Variants in SLIT2 observed in about 807,000 individuals in gnomAD.
The protein encoded by SLIT2 is slit guidance ligand 2.
Under a neutral mutation model 185.7 loss-of-function variants are expected in SLIT2, and 41 were observed. The ratio of observed to expected loss-of-function variants is 0.22; its 90% confidence interval spans 0.17 to 0.29. The LOEUF is 0.29. Among genes scored for constraint, SLIT2 ranks in the 10% least tolerant of loss-of-function variants. The pLI is 1.00. For missense variants in SLIT2, 1,571 were observed against 1,909.0 expected (o/e 0.82, Z 3.30); for synonymous variants, 693 against 680.2 (o/e 1.02, Z -0.29).
At chr4:20,562,793 CA>C in intron 26 of SLIT2, among the ~76,000 whole-genome samples, 1 of 151,844 alleles carries the variant, frequency 6.6e-6, no homozygotes, top group Non-Finnish European at 1.5e-5. Context: ...TAATTATACC[CA>C]ACATCAAATA....
intron 4 of SLIT2, among the ~76,000 whole-genome samples, chr4:20,442,093 C>A (rs1362213407): frequency 6.6e-6 from 1 of 151,982 alleles, no homozygotes; most frequent in African/African-American, 2.4e-5. Context: ...GAAAGGCAAA[C>A]TGGGTTCAAA....
chr4:20,354,064 G>T (rs1194006981), intron 4 of SLIT2, among the ~76,000 whole-genome samples: 1 of 152,112 alleles, frequency 6.6e-6, no homozygotes. Flanking sequence ...TGTTAGCAGT[G>T]ACTTAAGTAT....
At chr4:20,395,216 G>T (rs2109380576) in intron 4 of SLIT2, among the ~76,000 whole-genome samples, 1 of 152,046 alleles carries the variant, frequency 6.6e-6, no homozygotes, top group Non-Finnish European at 1.5e-5. Flanking sequence ...AGAATTAGAA[G>T]GTAAATCCTG....
At chr4:20,434,727 C>A (rs1193074701) in intron 4 of SLIT2, among the ~76,000 whole-genome samples, 1 of 152,040 alleles carries the variant, frequency 6.6e-6, no homozygotes, top group East Asian at 1.9e-4. Context: ...GGGGCTGAAC[C>A]ATAGAGATTT....
rs1360347367 is a variant in SLIT2 at position 20,252,622 on chromosome 4, C to G, written c.-1194C>G. 2.0e-5 allele frequency among the ~76,000 whole-genome samples: 3 copies of G among 152,206 alleles called. No individual in the cohort carries two copies. The highest frequency in any genetic ancestry group is 7.2e-5 in the African/African-American group (3 of 41,472). ...GCTCTGCGCCCTCCGGAACCCGGCTCTTGTTTCTTCTACCTTTGCCATCAG... is the reference window on the plus strand; with the variant it reads ...GCTCTGCGCCCTCCGGAACCCGGCTGTTGTTTCTTCTACCTTTGCCATCAG... On this transcript the variant is annotated 5_prime_UTR_variant, in exon 1 of 37. Transcript: ENST00000504154.
chr4:20,549,001 T>C (rs1723497561), intron 23 of SLIT2, 56 bp from the exon 24 acceptor site: 4 of 949,732 alleles, frequency 4.2e-6, no homozygotes, highest in East Asian at 2.4e-5. Context: ...TTTTTGGAAG[T>C]ATTTGGCCAT....
chr4:20,364,434 A>G (rs1293683102), intron 4 of SLIT2: 1 of 212,634 alleles, frequency 4.7e-6, no homozygotes, highest in African/African-American at 2.4e-5. Flanking sequence ...ATTAAGAATG[A>G]CAAAATCTAA....
At chr4:20,557,487 C>T (rs966979199) in intron 26 of SLIT2, among the ~76,000 whole-genome samples, 1 of 152,040 alleles carries the variant, frequency 6.6e-6, no homozygotes, top group Non-Finnish European at 1.5e-5. Flanking sequence ...AGCATGGTTT[C>T]CTGAATAATT....
At chr4:20,323,618 A>G (rs1486306904) in intron 4 of SLIT2, among the ~76,000 whole-genome samples, 1 of 152,204 alleles carries the variant, frequency 6.6e-6, no homozygotes, top group Non-Finnish European at 1.5e-5. Context: ...GCCTCCAGCC[A>G]CAGTGCTACT....
At chr4:20,426,093 G>A (rs1192418202) in intron 4 of SLIT2, among the ~76,000 whole-genome samples, 2 of 152,146 alleles carry the variant, frequency 1.3e-5, no homozygotes, top group African/African-American at 2.4e-5. Context: ...TGAGAACAGG[G>A]TTGCTCCTTC....
At chr4:20,607,439 C>A (rs1316470615) in intron 33 of SLIT2, among the ~76,000 whole-genome samples, 2 of 151,828 alleles carry the variant, frequency 1.3e-5, no homozygotes, top group Admixed American at 6.6e-5. Context: ...ATTTACTTAC[C>A]ACATATTTTC....
chr4:20,434,564 A>G (rs1729224482), intron 4 of SLIT2, among the ~76,000 whole-genome samples: 1 of 152,210 alleles, frequency 6.6e-6, no homozygotes, highest in Admixed American at 6.5e-5. Flanking sequence ...TTCACCATTA[A>G]AACAAGAAAA....
chr4:20,514,576 C>T (rs968372421), intron 11 of SLIT2, among the ~76,000 whole-genome samples: 2 of 152,038 alleles, frequency 1.3e-5, no homozygotes, highest in African/African-American at 2.4e-5. Context: ...ACCCGGGAGA[C>T]GAATGTTGTA....
intron 14 of SLIT2, 27 bp downstream of exon 14, chr4:20,524,204 T>C: frequency 1.2e-6 from 2 of 1,610,512 alleles, no homozygotes; most frequent in Non-Finnish European, 1.7e-6. Flanking sequence ...TTATTTCCCC[T>C]GTGACCAACA....
chr4:20,597,111 G>T (rs941221897), intron 32 of SLIT2, among the ~76,000 whole-genome samples: 24 of 150,814 alleles, frequency 1.6e-4, no homozygotes, highest in African/African-American at 5.6e-4. Context: ...TGTCGCCCAG[G>T]CTGGAGTTCA....
intron 26 of SLIT2, among the ~76,000 whole-genome samples, chr4:20,555,584 A>C (rs569248782): frequency 3.0e-4 from 46 of 152,236 alleles, no homozygotes; most frequent in Admixed American, 6.5e-4. Context: ...CAAAACACCA[A>C]AAAAAGGTGA....
At chr4:20,557,137 A>T (rs1724327841) in intron 26 of SLIT2, among the ~76,000 whole-genome samples, 1 of 152,110 alleles carries the variant, frequency 6.6e-6, no homozygotes, top group Admixed American at 6.5e-5. Context: ...TGCAAGGTGA[A>T]GCTCCAAGTA....
chr4:20,329,209 G>T (rs1719859653), intron 4 of SLIT2, among the ~76,000 whole-genome samples: 1 of 151,956 alleles, frequency 6.6e-6, no homozygotes, highest in Admixed American at 6.6e-5. Flanking sequence ...CAATATTAGG[G>T]AAGGAAATAC....
chr4:20,472,591 T>TATATCTATATATAG lies in SLIT2; in HGVS notation c.467+4772_467+4773insCTATATATAGATAT, dbSNP rs1560455431. Among the ~76,000 whole-genome samples the TATATCTATATATAG allele has an allele frequency of 1.3e-4, 2 of 14,986 alleles. 1 individual carries two copies. Among genetic ancestry groups the TATATCTATATATAG allele is most frequent in the African/African-American group, 9.0e-4 (2 of 2,224 alleles). The allele number at this position is 14,986 out of a possible 152,430, so 9.8% of individuals were successfully genotyped here. A position where few individuals can be genotyped will look rare whatever the true frequency, so the allele number is the denominator to read the frequency against. On this transcript the variant is annotated intron_variant, in intron 5 of 36. Coordinates refer to ENST00000504154, the MANE Select transcript of SLIT2 (RefSeq NM_004787.4). Reference sequence around the variant, plus strand: ...ATATATAGATATATCTATATATAGATATATATCTATAGATATATCTATATA... The same window carrying TATATCTATATATAG: ...ATATATAGATATATCTATATATAGATATATCTATATATAGATATATCTATAGATATATCTATATA...
Sources: allele counts gnomAD v4.1 joint callset (sites outside exome capture counted in the v4.1 genomes callset), GRCh38; gene constraint gnomAD v4.1.1; transcripts MANE v1.5; gene names NCBI Gene and HGNC (gene_info 2026-07-23, HGNC 2026-07-21).